SCAPER: variants seen among roughly 807,000 people sequenced by gnomAD.
The protein encoded by SCAPER is S phase cyclin A-associated protein in the endoplasmic reticulum.
Under a neutral mutation model 182.2 loss-of-function variants are expected in SCAPER, and 98 were observed. That is an observed-to-expected ratio of 0.54 (90% confidence interval 0.46 to 0.64). SCAPER has a LOEUF of 0.64. Among genes scored for constraint, SCAPER ranks in the 30% least tolerant of loss-of-function variants. SCAPER has a pLI of 0.00. For missense variants in SCAPER, 1,432 were observed against 1,690.0 expected (o/e 0.85, Z 2.68); for synonymous variants, 605 against 564.6 (o/e 1.07, Z -1.01).
chr15:76,884,855 G>A (rs1312348110), intron 1 of SCAPER, among the ~76,000 whole-genome samples: 2 of 152,182 alleles, frequency 1.3e-5, no homozygotes, highest in African/African-American at 4.8e-5. Context: ...AAGGAAGAAA[G>A]TGCTAATATA....
At chr15:76,774,732 G>A in intron 9 of SCAPER, 123 bp downstream of exon 9, 2 of 996,246 alleles carry the variant, frequency 2.0e-6, no homozygotes, top group Non-Finnish European at 2.9e-6. Context: ...TTTTCTGTAG[G>A]TCTATAGACC....
chr15:76,684,716 G>T (rs1356002300), intron 20 of SCAPER, among the ~76,000 whole-genome samples: 2 of 151,636 alleles, frequency 1.3e-5, no homozygotes, highest in African/African-American at 4.8e-5. Context: ...TTGCAGAAGA[G>T]ACTAAAAGGG....
At chr15:76,468,318 G>GA (rs1336201909) in intron 25 of SCAPER, among the ~76,000 whole-genome samples, 1 of 151,578 alleles carries the variant, frequency 6.6e-6, no homozygotes, top group African/African-American at 2.4e-5. Context: ...CCATGTATAA[G>GA]AAAAAAAAGG....
At chr15:76,353,549 T>A (rs1234876316) in intron 30 of SCAPER, among the ~76,000 whole-genome samples, 1 of 152,222 alleles carries the variant, frequency 6.6e-6, no homozygotes, top group Non-Finnish European at 1.5e-5. Flanking sequence ...CATATTTATT[T>A]AAAAATGTAC....
chr15:76,559,287 C>T (rs1403474057), intron 23 of SCAPER, among the ~76,000 whole-genome samples: 1 of 150,678 alleles, frequency 6.6e-6, no homozygotes, highest in Non-Finnish European at 1.5e-5. Flanking sequence ...AACTCCTGAC[C>T]TCAAGTGATC....
Position 76,504,956 on chromosome 15 carries a change from C to T in SCAPER, c.2857G>A (p.Ala953Thr). The T allele has an allele frequency of 6.2e-7, 1 of 1,612,036 alleles. No individual in the cohort carries two copies. Among genetic ancestry groups the T allele is most frequent in the Non-Finnish European group, 8.5e-7 (1 of 1,179,188 alleles). ...GTTAATCCACCAGCAGCTTGAAATG[C>T]AATCTGATCTGCCACATTCTAGACA... The part of the protein sequence containing the change: ...LEKENVADQI[A>T]FQAAGGLTAL... Residue 953 changes from alanine to threonine, a missense_variant, in exon 24 of 32, where the codon GCA becomes ACA. Around this residue, in one of 5 missense-constraint regions of SCAPER, gnomAD observed 718 missense variants for 799.7 expected, o/e 0.90. Transcript: ENST00000563290.
intron 2 of SCAPER, among the ~76,000 whole-genome samples, chr15:76,870,539 G>T (rs2151913047): frequency 6.6e-6 from 1 of 151,890 alleles, no homozygotes; most frequent in Non-Finnish European, 1.5e-5. Flanking sequence ...AAAATAAAAG[G>T]ATTGAAATTT....
At chr15:76,817,627 T>C (rs1170908160) in intron 5 of SCAPER, among the ~76,000 whole-genome samples, 1 of 152,202 alleles carries the variant, frequency 6.6e-6, no homozygotes. Context: ...TTTGCTAGAC[T>C]GCAGTAATCA....
chr15:76,776,520 C>A (rs2063751788), intron 8 of SCAPER, among the ~76,000 whole-genome samples: 2 of 152,206 alleles, frequency 1.3e-5, no homozygotes, highest in African/African-American at 4.8e-5. Context: ...AGCTGAGCTT[C>A]TGCTATCACC....
rs537630354 is a variant in SCAPER, at chr15:76,851,508, C to T, written c.195+6301G>A. The stretch of plus-strand genomic sequence containing the variant: ...TAACATCAGACCTCTCAGCTACAAG[C>T]CAGAAGAGACTGGGGGCCTATATCC... On this transcript the variant is annotated intron_variant, in intron 4 of 31. Transcript: ENST00000563290. Among the ~76,000 whole-genome samples the T allele has an allele frequency of 2.6e-5, 4 of 152,186 alleles. No homozygotes were observed. The East Asian group carries it at 7.7e-4, about 29-fold the overall frequency.
At chr15:76,477,478 C>T (rs543564889) in intron 24 of SCAPER, among the ~76,000 whole-genome samples, 4 of 152,240 alleles carry the variant, frequency 2.6e-5, no homozygotes, top group African/African-American at 9.6e-5. Context: ...TCATTCTGTA[C>T]CACTCTGCCT....
At chr15:76,510,807 T>C (rs2041958552) in intron 23 of SCAPER, among the ~76,000 whole-genome samples, 2 of 152,146 alleles carry the variant, frequency 1.3e-5, no homozygotes, top group African/African-American at 4.8e-5. Context: ...ATTGCAAAAA[T>C]GTGGAACCAA....
chr15:76,772,523 C>A (rs1430100147), intron 9 of SCAPER, among the ~76,000 whole-genome samples: 1 of 151,744 alleles, frequency 6.6e-6, no homozygotes, highest in Non-Finnish European at 1.5e-5. Context: ...GTACATGAAC[C>A]CAATTCTCCG....
intron 26 of SCAPER, among the ~76,000 whole-genome samples, chr15:76,418,086 C>T (rs1022286234): frequency 8.5e-5 from 13 of 152,086 alleles, no homozygotes; most frequent in African/African-American, 3.1e-4. Context: ...ATTAGAGTTG[C>T]CTGGTGGTTG....
chr15:76,548,707 T>C (rs1054778886), intron 23 of SCAPER, among the ~76,000 whole-genome samples: 21 of 152,332 alleles, frequency 1.4e-4, no homozygotes, highest in African/African-American at 5.1e-4. Flanking sequence ...GGATTCCCTA[T>C]TTAATAAATG....
intron 15 of SCAPER, among the ~76,000 whole-genome samples, chr15:76,742,121 T>C (rs185201998): frequency 6.6e-6 from 1 of 152,168 alleles, no homozygotes; most frequent in East Asian, 1.9e-4. Flanking sequence ...ATGGTGTTCA[T>C]ATGAAGTGAC....
chr15:76,521,924 A>C, intron 23 of SCAPER, among the ~76,000 whole-genome samples: 1 of 152,140 alleles, frequency 6.6e-6, no homozygotes, highest in Admixed American at 6.5e-5. Context: ...CTAGGGTACC[A>C]ATTTGTTTAT....
At chr15:76,588,798 G>C (rs985873868) in intron 22 of SCAPER, among the ~76,000 whole-genome samples, 5 of 152,040 alleles carry the variant, frequency 3.3e-5, no homozygotes, top group African/African-American at 4.8e-5. Context: ...GTGATTTTTG[G>C]GGGGGGTGTT....
chr15:76,352,998 T>C (rs2040690767), intron 30 of SCAPER, among the ~76,000 whole-genome samples: 1 of 152,144 alleles, frequency 6.6e-6, no homozygotes, highest in Non-Finnish European at 1.5e-5. Context: ...GTTGCGTTTA[T>C]TAATTATCTA....
Sources: gnomAD v4.1 joint callset for allele counts (sites outside exome capture counted in the v4.1 genomes callset) on GRCh38, gnomAD v4.1.1 for gene constraint, gnomAD v4.1.1 regional missense constraint, MANE v1.5 for transcripts, NCBI Gene and HGNC (gene_info 2026-07-23, HGNC 2026-07-21) for gene names.